Variants in GANC observed in about 807,000 individuals in gnomAD.
The protein encoded by GANC is glucosidase alpha, neutral C.
In GANC, 117 loss-of-function variants were observed where a neutral mutation model predicts 124.2. The ratio of observed to expected loss-of-function variants is 0.94; its 90% confidence interval spans 0.81 to 1.10. GANC has a LOEUF of 1.10. Among genes scored for constraint, GANC ranks in the 50% least tolerant of loss-of-function variants. The probability of loss-of-function intolerance (pLI) is 0.00; values close to 1 mark genes in which losing one functional copy is unlikely to be tolerated. For missense variants in GANC, 1,140 were observed against 1,095.0 expected, an observed-to-expected ratio of 1.04 and a Z score of -0.58; for synonymous variants, 377 against 376.8, an observed-to-expected ratio of 1.00 and a Z score of -0.01.
intron 3 of GANC, chr15:42,280,862 T>C (rs2051725477): frequency 2.9e-6 from 2 of 688,266 alleles, no homozygotes; most frequent in Admixed American, 2.1e-5. Flanking sequence ...TTCACGTTAC[T>C]GTAGATCAGT....
chr15:42,337,001 G>A (rs1167557574), intron 15 of GANC, among the ~76,000 whole-genome samples: 1 of 152,196 alleles, frequency 6.6e-6, no homozygotes, highest in East Asian at 1.9e-4. Flanking sequence ...TGGCAAGGTT[G>A]CAGAGAAAGG....
rs1334997189 is a variant in GANC at position 42,273,288 on chromosome 15, G to C, written c.-1194G>C. On this transcript the variant is annotated 5_prime_UTR_variant, in exon 1 of 24. Transcript: ENST00000318010. ...TCGGAATGTGCCATTTGGACCGGTC[G>C]GCAGCAGCTACGGTTGCCGGTCCCG... 1.9e-6 allele frequency: 3 copies of C among 1,614,132 alleles called. No homozygotes were observed. In the Admixed American group the frequency reaches 5.0e-5, roughly 27 times the overall value.
chr15:42,352,674 C>G lies in GANC; in HGVS notation c.*535C>G. On this transcript the variant is annotated 3_prime_UTR_variant, in exon 24 of 24. Transcript: ENST00000318010. Reference sequence around the variant, plus strand: ...CGCTGCAGCCGTGGGAGTTATTCTCCCCTAGAGATCGACTTGGCAGCACGA... The same window carrying G: ...CGCTGCAGCCGTGGGAGTTATTCTCGCCTAGAGATCGACTTGGCAGCACGA... 1.0e-6 allele frequency: 1 copy of G among 986,062 alleles called. No individual in the cohort carries two copies. The highest frequency in any genetic ancestry group is 1.2e-6 in the Non-Finnish European group (1 of 830,080). The allele number at this position is 986,062 out of a possible 1,614,324, so 61.1% of individuals were successfully genotyped here.
At chr15:42,313,736 G>A (rs570871833) in intron 10 of GANC, 2 of 284,166 alleles carry the variant, frequency 7.0e-6, no homozygotes, top group South Asian at 8.6e-5. Flanking sequence ...AGCAATGATA[G>A]GAAGGGGAAC....
At chr15:42,302,265 G>A (rs933274105) in intron 6 of GANC, among the ~76,000 whole-genome samples, 5 of 152,216 alleles carry the variant, frequency 3.3e-5, no homozygotes, top group Non-Finnish European at 5.9e-5. Context: ...AGAGGGGCCT[G>A]ACTGTTAGAA....
intron 6 of GANC, among the ~76,000 whole-genome samples, chr15:42,305,518 A>T (rs912450889): frequency 5.9e-5 from 9 of 152,248 alleles, no homozygotes; most frequent in African/African-American, 1.4e-4. Context: ...AATTAGTTCA[A>T]CCATTGTGGA....
chr15:42,287,215 G>A (rs16973006), intron 3 of GANC, among the ~76,000 whole-genome samples: 1 of 152,158 alleles, frequency 6.6e-6, no homozygotes, highest in East Asian at 1.9e-4. Flanking sequence ...GAACTCCAAT[G>A]ATCATCATTT....
At chr15:42,326,031 T>C (rs2052195717) in intron 11 of GANC, among the ~76,000 whole-genome samples, 1 of 152,266 alleles carries the variant, frequency 6.6e-6, no homozygotes, top group South Asian at 2.1e-4. Flanking sequence ...GTGTTGGGAT[T>C]GCAGGTGTGA....
At position 42,321,994 on chromosome 15, in the gene GANC, G is replaced by C. The variant is rs768614924; in HGVS notation, c.1267G>C (p.Glu423Gln). 45 of 1,613,278 alleles carry C rather than the reference G, an allele frequency of 2.8e-5. No homozygotes were observed. Among genetic ancestry groups the C allele is most frequent in the African/African-American group, 4.0e-5 (3 of 74,922 alleles). ...ATTCCCAAACCCCAAGAGGATGCAA[G>C]AGCTGCTCAGGAGCAAAAAGCGTAA... The part of the protein sequence containing the change: ...NRFPNPKRMQ[E>Q]LLRSKKRKLV... The change falls in exon 11 of 24, where the codon GAG (glutamate) becomes CAG (glutamine). Residue 423 changes from glutamate to glutamine, a missense_variant. Glu to Gln is a conservative substitution (Grantham distance 29, BLOSUM62 2). Coordinates refer to ENST00000318010, the MANE Select transcript of GANC (RefSeq NM_198141.3).
intron 11 of GANC, 61 bp from the exon 12 acceptor site, chr15:42,326,237 A>G: frequency 8.3e-7 from 1 of 1,200,908 alleles, no homozygotes; most frequent in Non-Finnish European, 1.2e-6. Flanking sequence ...GCGAAAACAT[A>G]TACGTGAACA....
intron 8 of GANC, among the ~76,000 whole-genome samples, chr15:42,308,587 G>T (rs1256947551): frequency 2.6e-5 from 4 of 152,136 alleles, no homozygotes; most frequent in Admixed American, 6.5e-5. Context: ...GAGTTCAAGA[G>T]ATTCTCCTGC....
Position 42,327,385 on chromosome 15 carries a change from C to T in GANC, c.1443C>T (p.Phe481=), listed in dbSNP as rs748967907. Residue 481 remains phenylalanine (F), a synonymous_variant, in exon 13 of 24, where the codon TTC becomes TTT. Coordinates refer to ENST00000318010, the MANE Select transcript of GANC (RefSeq NM_198141.3). ...CAGGTCTCTCCTCTTACCTGGATTTCACCAATCCCAAGGTCAGAGAGTGGT... is the reference window on the plus strand; with the variant it reads ...CAGGTCTCTCCTCTTACCTGGATTTTACCAATCCCAAGGTCAGAGAGTGGT... ...CWPGLSSYLD[F]TNPKVREWYS... 5.6e-6 allele frequency: 9 copies of T among 1,613,138 alleles called. No homozygotes were observed. Among genetic ancestry groups the T allele is most frequent in the East Asian group, 2.2e-5 (1 of 44,832 alleles).
At chr15:42,279,895 T>C (rs2051714847) in intron 3 of GANC, among the ~76,000 whole-genome samples, 1 of 152,148 alleles carries the variant, frequency 6.6e-6, no homozygotes, top group Admixed American at 6.5e-5. Context: ...ATTCGTGGGT[T>C]CTCCATAATA....
chr15:42,349,258 G>A (rs2052397943), intron 21 of GANC, 125 bp from the exon 22 acceptor site: 6 of 649,574 alleles, frequency 9.2e-6, no homozygotes, highest in Admixed American at 5.2e-5. Context: ...GTATTTGTAC[G>A]ACTACTTTAT....
chr15:42,289,842 T>C (rs1366080616), intron 4 of GANC, among the ~76,000 whole-genome samples: 1 of 152,138 alleles, frequency 6.6e-6, no homozygotes, highest in African/African-American at 2.4e-5. Flanking sequence ...TAAGTTAAAA[T>C]GGGATGATTA....
At chr15:42,304,411 G>C (rs781711784) in intron 6 of GANC, among the ~76,000 whole-genome samples, 10 of 152,108 alleles carry the variant, frequency 6.6e-5, no homozygotes, top group Non-Finnish European at 1.5e-4. Context: ...ACTTACAAGG[G>C]ATGTAAAGGA....
At chr15:42,300,338 C>A (rs1044499504) in intron 6 of GANC, among the ~76,000 whole-genome samples, 1 of 152,044 alleles carries the variant, frequency 6.6e-6, no homozygotes, top group African/African-American at 2.4e-5. Context: ...ATGTGGCCAA[C>A]AAACATGAAA....
chr15:42,281,393 C>CCT (rs1157332830), intron 3 of GANC, among the ~76,000 whole-genome samples: 1 of 151,514 alleles, frequency 6.6e-6, no homozygotes, highest in Non-Finnish European at 1.5e-5. Flanking sequence ...AGTGAAAGAG[C>CCT]CTCTATTAGG....
rs781468452 is a variant in GANC, at chr15:42,306,530, T to C, written c.559-16T>C. The C allele has an allele frequency of 6.3e-7, 1 of 1,598,854 alleles. No homozygotes were observed. The highest frequency in any genetic ancestry group is 8.5e-7 in the Non-Finnish European group (1 of 1,173,390). The stretch of plus-strand genomic sequence containing the variant: ...CAATTTGTAAACTCAGTTTGCTCCC[T>C]TTTTTGTACCAACAGGAAAATCAAG... On this transcript the variant is annotated splice_polypyrimidine_tract_variant and intron_variant, in intron 6 of 23. Transcript: ENST00000318010.
Sources: allele counts gnomAD v4.1 joint callset (sites outside exome capture counted in the v4.1 genomes callset), GRCh38; gene constraint gnomAD v4.1.1; transcripts MANE v1.5; gene names NCBI Gene and HGNC (gene_info 2026-07-23, HGNC 2026-07-21).